The following TUBA1C variants were observed in gnomAD, a reference collection of about 807,000 sequenced individuals.
TUBA1C encodes tubulin alpha 1c, also known as tubulin alpha-1C chain.
A neutral mutation model predicts 34.9 loss-of-function variants in TUBA1C; 16 were observed. The ratio of observed to expected loss-of-function variants is 0.46; its 90% CI spans 0.31 to 0.70. The LOEUF (loss-of-function observed/expected upper bound fraction) is 0.70, where lower values mean the gene tolerates loss of function less well. Ranked by LOEUF, TUBA1C falls within the 30% of genes least tolerant of loss-of-function variation. The pLI, the probability that TUBA1C is intolerant of heterozygous loss-of-function variation, is 0.05. For synonymous variants in TUBA1C, 177 were observed against 215.9 expected, an observed-to-expected ratio of 0.82 and a Z score of 1.58; for missense variants, 329 against 587.3, an observed-to-expected ratio of 0.56 and a Z score of 4.55.
chr12:49,268,799 T>A (rs1249785346), intron 1 of TUBA1C, among the ~76,000 whole-genome samples: 1 of 152,142 alleles, frequency 6.6e-6, no homozygotes, highest in Non-Finnish European at 1.5e-5. Context: ...GAAGCTTTTG[T>A]CTCCTAAAGA....
chr12:49,246,193 ACT>A (rs1942665467), intron 1 of TUBA1C, among the ~76,000 whole-genome samples: 1 of 145,882 alleles, frequency 6.9e-6, no homozygotes, highest in African/African-American at 2.5e-5. Flanking sequence ...GGCGTGAGCC[ACT>A]GCATCTGGCC....
chr12:49,264,329 C>G (rs970161856), upstream of TUBA1C, among the ~76,000 whole-genome samples: 1 of 152,146 alleles, frequency 6.6e-6, no homozygotes, highest in East Asian at 1.9e-4. Flanking sequence ...CGGGAGGAGA[C>G]TGTTAGAAGC....
intron 1 of TUBA1C, among the ~76,000 whole-genome samples, chr12:49,259,166 T>A (rs917391385): frequency 2.0e-5 from 3 of 152,206 alleles, no homozygotes; most frequent in African/African-American, 7.2e-5. Context: ...GTGCCCTATA[T>A]AGGTGTGCCA....
upstream of TUBA1C, among the ~76,000 whole-genome samples, chr12:49,261,526 C>A (rs1310701392): frequency 6.6e-6 from 1 of 152,132 alleles, no homozygotes; most frequent in African/African-American, 2.4e-5. Context: ...ACTTTATTTT[C>A]CACAGTTCCA....
rs764639202 is a variant in TUBA1C, at chr12:49,269,614, C to T, written c.153C>T (p.Thr51=). The part of the protein sequence containing the change: ...TIGGGDDSFN[T]FFSETGAGKH... ...GGGGAGGAGATGATTCCTTCAACAC[C>T]TTCTTCAGTGAAACGGGTGCTGGCA... The change falls in exon 2 of 4, where the codon ACC becomes ACT. Residue 51 remains threonine (T), a synonymous_variant. Transcript: ENST00000301072. The T allele has an allele frequency of 3.7e-6, 6 of 1,614,066 alleles. No homozygotes were observed. The Admixed American group carries it at 6.7e-5, about 18-fold the overall frequency.
intron 1 of TUBA1C, among the ~76,000 whole-genome samples, chr12:49,268,774 T>G (rs1942949386): frequency 1.3e-5 from 2 of 152,168 alleles, no homozygotes; most frequent in South Asian, 4.1e-4. Flanking sequence ...AAGCTGGTTT[T>G]AAAGGAGGGA....
rs752860748 is a variant in TUBA1C at position 49,228,037 on chromosome 12, C to G, written c.84C>G (p.Ser28=). ...TGGAATTAGATCCTTCAAATGGATCCTTTCTGAATGCAAAACTGTACATCT... is the reference window on the plus strand; with the variant it reads ...TGGAATTAGATCCTTCAAATGGATCGTTTCTGAATGCAAAACTGTACATCT... The change falls in exon 1 of 4, where the codon TCC becomes TCG. Residue 28 remains serine (S), a synonymous_variant. Coordinates refer to the TUBA1C transcript ENST00000541364. 21 of 1,535,700 alleles carry G rather than the reference C, an allele frequency of 1.4e-5. 1 individual carries two copies. The South Asian group carries it at 2.4e-4, about 17-fold the overall frequency.
upstream of TUBA1C, among the ~76,000 whole-genome samples, chr12:49,261,954 C>T (rs182904048): frequency 4.9e-4 from 75 of 152,190 alleles, no homozygotes; most frequent in African/African-American, 1.8e-3. Flanking sequence ...ACTGAGGAAG[C>T]ATGTTTTCTC....
intron 1 of TUBA1C, among the ~76,000 whole-genome samples, chr12:49,243,173 C>T (rs1340512076): frequency 2.0e-5 from 3 of 152,084 alleles, no homozygotes; most frequent in Admixed American, 2.0e-4. Context: ...AGGCTGGTTG[C>T]GGTGGCTCAT....
intron 1 of TUBA1C, among the ~76,000 whole-genome samples, chr12:49,240,473 C>T (rs1343817875): frequency 2.0e-5 from 3 of 152,158 alleles, no homozygotes. Context: ...CTCCTCTCCC[C>T]ACAAAATATC....
rs759290493 is a variant in TUBA1C at position 49,273,252 on chromosome 12, C to T, written c.*25C>T. 9.3e-6 allele frequency: 15 copies of T among 1,614,000 alleles called. No individual in the cohort carries two copies. In the Admixed American group the frequency reaches 2.2e-4, roughly 23 times the overall value. ...ACCTGTGTGCTGTACTTTTACACTCCTTTGTCTTGGAACTGTCTTATTTTT... is the reference window on the plus strand; with the variant it reads ...ACCTGTGTGCTGTACTTTTACACTCTTTTGTCTTGGAACTGTCTTATTTTT... On this transcript the variant is annotated 3_prime_UTR_variant, in exon 4 of 4. Transcript: ENST00000301072.
intron 1 of TUBA1C, among the ~76,000 whole-genome samples, chr12:49,252,529 G>A (rs1245466101): frequency 6.6e-6 from 1 of 152,170 alleles, no homozygotes; most frequent in African/African-American, 2.4e-5. Context: ...ATAGGGAGAA[G>A]CTTTGGGGGA....
chr12:49,248,367 C>T (rs1398834788), intron 1 of TUBA1C, among the ~76,000 whole-genome samples: 1 of 151,818 alleles, frequency 6.6e-6, no homozygotes, highest in Non-Finnish European at 1.5e-5. Context: ...GTCAGGAGTT[C>T]AAAACCAGCC....
intron 1 of TUBA1C, chr12:49,256,264 T>C (rs1942783552): frequency 3.2e-6 from 1 of 315,020 alleles, no homozygotes; most frequent in Admixed American, 3.7e-5. Context: ...TCCAGGATAA[T>C]TTTTTTTTCC....
chr12:49,242,645 AT>A (rs1177127867), intron 1 of TUBA1C, among the ~76,000 whole-genome samples: 25 of 147,982 alleles, frequency 1.7e-4, no homozygotes, highest in African/African-American at 5.0e-4. Context: ...TTTCCAGCTA[AT>A]TTTTTTGTTG....
chr12:49,262,129 T>TA (rs1170607204), upstream of TUBA1C, among the ~76,000 whole-genome samples: 1 of 151,872 alleles, frequency 6.6e-6, no homozygotes, highest in Non-Finnish European at 1.5e-5. Flanking sequence ...CAAAGTTATA[T>TA]ATTAGCCAGG....
chr12:49,271,666 A>G (rs1942993169), intron 3 of TUBA1C, among the ~76,000 whole-genome samples: 2 of 152,196 alleles, frequency 1.3e-5, no homozygotes, highest in African/African-American at 4.8e-5. Context: ...AACTTTGGCT[A>G]TTCTGTTGTT....
chr12:49,273,610 A>G lies in TUBA1C; in HGVS notation c.*383A>G, dbSNP rs962914153. On this transcript the variant is annotated 3_prime_UTR_variant, in exon 4 of 4. Coordinates refer to ENST00000301072, the MANE Select transcript of TUBA1C (RefSeq NM_032704.5). ...GCTATGCTGCCCAGGGTGGTCTTCA[A>G]CTGGCTTCAAGTGATCCTCCTGCCT... 9 of 299,912 alleles carry G rather than the reference A, an allele frequency of 3.0e-5. No individual in the cohort carries two copies. The highest frequency in any genetic ancestry group is 8.5e-5 in the East Asian group (1 of 11,766). The allele number at this position is 299,912 out of a possible 1,614,324, so 18.6% of individuals were successfully genotyped here.
intron 1 of TUBA1C, among the ~76,000 whole-genome samples, chr12:49,246,137 C>A (rs1304438136): frequency 2.0e-5 from 3 of 151,730 alleles, no homozygotes; most frequent in African/African-American, 7.3e-5. Context: ...AATTCCTGAT[C>A]TCAAGTGATC....
Sources: gnomAD v4.1 joint callset for allele counts (sites outside exome capture counted in the v4.1 genomes callset) on GRCh38, gnomAD v4.1.1 for gene constraint, MANE v1.5 for transcripts, NCBI Gene and HGNC (gene_info 2026-07-23, HGNC 2026-07-21) for gene names.